The following APAF1 variants were observed in gnomAD, a reference collection of about 807,000 sequenced individuals.
The protein encoded by APAF1 is apoptotic protease-activating factor 1.
Under a neutral mutation model 152.4 loss-of-function variants are expected in APAF1, and 91 were observed. The observed-to-expected ratio is 0.60, with a 90% CI of 0.50 to 0.71. The LOEUF (loss-of-function observed/expected upper bound fraction) is 0.71, where lower values mean the gene tolerates loss of function less well. Ranked by LOEUF, APAF1 falls within the 30% of genes least tolerant of loss-of-function variation. The probability of loss-of-function intolerance (pLI) is 0.00; values close to 1 mark genes in which losing one functional copy is unlikely to be tolerated. For missense variants in APAF1, 1,283 were observed against 1,472.0 expected (o/e 0.87, Z 2.10); for synonymous variants, 484 against 494.1 (o/e 0.98, Z 0.27).
intron 16 of APAF1, among the ~76,000 whole-genome samples, chr12:98,691,216 GA>G (rs1362327051): frequency 6.6e-6 from 1 of 151,542 alleles, no homozygotes; most frequent in Admixed American, 6.6e-5. Flanking sequence ...GAAAAAAAAA[GA>G]AAAAATCCTG....
intron 16 of APAF1, among the ~76,000 whole-genome samples, chr12:98,693,393 T>A (rs1382558699): frequency 2.6e-5 from 4 of 152,166 alleles, no homozygotes. Context: ...TGTGCCTGGC[T>A]AACTGATTTT....
chr12:98,656,773 T>A (rs945406216), intron 4 of APAF1, among the ~76,000 whole-genome samples: 5 of 152,202 alleles, frequency 3.3e-5, no homozygotes, highest in African/African-American at 1.2e-4. Context: ...CTTTTTTCCT[T>A]TATATCCTAC....
intron 15 of APAF1, 82 bp from the exon 16 acceptor site, chr12:98,686,666 A>G (rs1168499470): frequency 1.4e-6 from 2 of 1,383,814 alleles, no homozygotes; most frequent in African/African-American, 1.4e-5. Context: ...TAAATGAGAG[A>G]AAAGGAAGAA....
At position 98,649,541 on chromosome 12, in the gene APAF1, C is replaced by T. The variant is rs147700706; in HGVS notation, c.383C>T (p.Thr128Ile). Residue 128 changes from threonine (T) to isoleucine (I), a missense_variant, in exon 4 of 27, where the codon ACA becomes ATA. By Grantham distance (89) the Thr-to-Ile change is moderately conservative (BLOSUM62 -1). Transcript: ENST00000551964. ...CCACAGAGGCCAGTTGTTTTTGTCA[C>T]AAGGAAGAAGCTGGTGAATGCAATT... ...GVPQRPVVFVTRKKLVNAIQQ... is the reference protein window; with the variant it reads ...GVPQRPVVFVIRKKLVNAIQQ... The T allele has an allele frequency of 1.2e-6, 2 of 1,614,132 alleles. No individual in the cohort carries two copies. The highest frequency in any genetic ancestry group is 2.2e-5 in the East Asian group (1 of 44,878).
chr12:98,679,657 C>T (rs1593057930), intron 13 of APAF1, among the ~76,000 whole-genome samples: 1 of 152,234 alleles, frequency 6.6e-6, no homozygotes, highest in Non-Finnish European at 1.5e-5. Flanking sequence ...GGCTGTGACT[C>T]CCTCTTTGGG....
At chr12:98,729,980 A>G (rs909627031) in intron 26 of APAF1, among the ~76,000 whole-genome samples, 1 of 152,250 alleles carries the variant, frequency 6.6e-6, no homozygotes, top group Non-Finnish European at 1.5e-5. Context: ...TAGAAGAATT[A>G]TAATGTTCCC....
At chr12:98,723,113 G>C (rs1405377784) in intron 22 of APAF1, 80 bp from the exon 23 acceptor site, 2 of 1,464,192 alleles carry the variant, frequency 1.4e-6, no homozygotes, top group Non-Finnish European at 1.9e-6. Context: ...CTTTAGACAA[G>C]AGAATGTACA....
intron 5 of APAF1, among the ~76,000 whole-genome samples, chr12:98,661,181 G>GAGTATTTTTTTTTT (rs2097664763): frequency 6.6e-6 from 1 of 151,920 alleles, no homozygotes; most frequent in African/African-American, 2.4e-5. Flanking sequence ...GATTACAGGC[G>GAGTATTTTTTTTTT]TGAGCCACTG....
intron 17 of APAF1, 59 bp downstream of exon 17, chr12:98,699,628 A>C: frequency 6.3e-7 from 1 of 1,584,240 alleles, no homozygotes; most frequent in South Asian, 1.1e-5. Context: ...ACTTCTGTTC[A>C]TTTTTGCATT....
rs1009966424 is a variant in APAF1 at position 98,649,048 on chromosome 12, T to G, written c.328+233T>G. On this transcript the variant is annotated intron_variant, in intron 3 of 26. Coordinates refer to ENST00000551964, the MANE Select transcript of APAF1 (RefSeq NM_181861.2). ...TGAGATAATAATATGTCTACCCTAA[T>G]TTTTAGAGACAATAAGACAATTTAT... 6.7e-6 allele frequency: 5 copies of G among 748,248 alleles called. No individual in the cohort carries two copies. In the African/African-American group the frequency reaches 8.8e-5, roughly 13 times the overall value. The allele number at this position is 748,248 out of a possible 1,614,324, so 46.4% of individuals were successfully genotyped here.
At chr12:98,667,009 A>T (rs1455044375) in intron 9 of APAF1, among the ~76,000 whole-genome samples, 1 of 151,466 alleles carries the variant, frequency 6.6e-6, no homozygotes, top group African/African-American at 2.4e-5. Flanking sequence ...ATGTTTTATT[A>T]TGGGTGATGT....
chr12:98,721,806 TA>T (rs1330577547), intron 22 of APAF1, among the ~76,000 whole-genome samples: 1 of 151,678 alleles, frequency 6.6e-6, no homozygotes, highest in African/African-American at 2.4e-5. Flanking sequence ...GAAAAAGAAG[TA>T]AAAAAAAGGG....
At chr12:98,651,859 G>C (rs2097649381) in intron 4 of APAF1, among the ~76,000 whole-genome samples, 3 of 152,128 alleles carry the variant, frequency 2.0e-5, no homozygotes, top group Middle Eastern at 3.4e-3. Context: ...TTGTCACCCA[G>C]GCTGGAGTGC....
In APAF1 at chr12:98,659,338, C is replaced by T; in HGVS notation, c.705C>T (p.His235=). The T allele has an allele frequency of 6.2e-7, 1 of 1,614,142 alleles. No homozygotes were observed. The highest frequency in any genetic ancestry group is 8.5e-7 in the Non-Finnish European group (1 of 1,180,008). ...TCCGCATTCTGATGCTTCGCAAACA[C>T]CCAAGGTACCGATGGTCAAATTTAG... The part of the protein sequence containing the change: ...DRLRILMLRK[H]PRSLLILDDV... The change falls in exon 5 of 27, where the codon CAC becomes CAT. Residue 235 remains histidine, a synonymous_variant. Transcript: ENST00000551964.
chr12:98,661,430 T>C (rs1404210471), intron 5 of APAF1, among the ~76,000 whole-genome samples: 1 of 152,236 alleles, frequency 6.6e-6, no homozygotes, highest in Non-Finnish European at 1.5e-5. Context: ...TGTGCTTTTG[T>C]AATTTTTCAA....
intron 5 of APAF1, among the ~76,000 whole-genome samples, chr12:98,661,103 G>A (rs532145434): frequency 2.6e-5 from 4 of 152,202 alleles, no homozygotes; most frequent in South Asian, 2.1e-4. Flanking sequence ...AGGTTTCACC[G>A]TGTTAACCAG....
chr12:98,719,341 T>A (rs939517483), intron 22 of APAF1, among the ~76,000 whole-genome samples: 3 of 152,054 alleles, frequency 2.0e-5, no homozygotes, highest in Admixed American at 1.3e-4. Flanking sequence ...TTTTGTTGCT[T>A]TAGACTTTTT....
chr12:98,692,145 C>T (rs1303782199), intron 16 of APAF1, among the ~76,000 whole-genome samples: 3 of 151,848 alleles, frequency 2.0e-5, no homozygotes, highest in African/African-American at 7.3e-5. Context: ...TGCAGTGGCG[C>T]GATCTCGGCT....
chr12:98,669,886 C>T (rs887044655), intron 10 of APAF1, among the ~76,000 whole-genome samples: 2 of 139,180 alleles, frequency 1.4e-5, no homozygotes, highest in Non-Finnish European at 3.1e-5. Context: ...CTTCCCCTCC[C>T]CTCCCCTCTT....
Sources: gnomAD v4.1 joint callset for allele counts (sites outside exome capture counted in the v4.1 genomes callset) on GRCh38, gnomAD v4.1.1 for gene constraint, MANE v1.5 for transcripts, NCBI Gene and HGNC (gene_info 2026-07-23, HGNC 2026-07-21) for gene names.